The following PPP1R14C variants were observed in gnomAD, a reference collection of about 807,000 sequenced individuals.
PPP1R14C encodes protein phosphatase 1 regulatory subunit 14C.
A neutral mutation model predicts 20.4 loss-of-function variants in PPP1R14C; 16 were observed. The ratio of observed to expected loss-of-function variants is 0.78; its 90% CI spans 0.53 to 1.19. The LOEUF is 1.19. PPP1R14C is among the 50% of genes most tolerant of loss of function. The pLI is 0.00. For missense variants in PPP1R14C, 211 were observed against 220.1 expected, an observed-to-expected ratio of 0.96 and a Z score of 0.26; for synonymous variants, 91 against 91.0, an observed-to-expected ratio of 1.00 and a Z score of 0.00.
At chr6:150,214,918 C>A in intron 2 of PPP1R14C, 91 bp downstream of exon 2, 1 of 899,184 alleles carries the variant, frequency 1.1e-6, no homozygotes, top group Non-Finnish European at 1.8e-6. Flanking sequence ...TGATTCCGCC[C>A]TGTGGTGGTG....
At chr6:150,190,814 C>A (rs1218057608) in intron 1 of PPP1R14C, among the ~76,000 whole-genome samples, 3 of 152,200 alleles carry the variant, frequency 2.0e-5, no homozygotes, top group Non-Finnish European at 4.4e-5. Flanking sequence ...TACCTTGGTC[C>A]ATACCACTAA....
intron 1 of PPP1R14C, among the ~76,000 whole-genome samples, chr6:150,169,505 T>G (rs1387553799): frequency 2.0e-5 from 3 of 152,170 alleles, no homozygotes; most frequent in Admixed American, 6.5e-5. Flanking sequence ...AAAAATCATA[T>G]TTAGTCTCCA....
intron 1 of PPP1R14C, among the ~76,000 whole-genome samples, chr6:150,174,015 T>TCCCCCCCCCCCCCCCC (rs571196400): frequency 1.1e-5 from 1 of 92,736 alleles, no homozygotes; most frequent in Non-Finnish European, 2.3e-5. Context: ...CACCTCTCCC[T>TCCCCCCCCCCCCCCCC]CCCCCCCACC....
intron 1 of PPP1R14C, among the ~76,000 whole-genome samples, chr6:150,168,776 A>C (rs1291277854): frequency 6.6e-6 from 1 of 152,236 alleles, no homozygotes; most frequent in Non-Finnish European, 1.5e-5. Flanking sequence ...CAACTTTATT[A>C]TATAATTACT....
chr6:150,145,356 G>C (rs545313140), intron 1 of PPP1R14C, among the ~76,000 whole-genome samples: 1 of 152,280 alleles, frequency 6.6e-6, no homozygotes, highest in East Asian at 1.9e-4. Flanking sequence ...GGTTTTTGTG[G>C]TGAAATAATT....
chr6:150,215,801 C>A (rs1350030570), intron 2 of PPP1R14C, among the ~76,000 whole-genome samples: 1 of 152,186 alleles, frequency 6.6e-6, no homozygotes, highest in Admixed American at 6.5e-5. Flanking sequence ...CCGCACCCCC[C>A]AGTTCCCAGG....
chr6:150,198,488 A>G (rs568282066), intron 1 of PPP1R14C, among the ~76,000 whole-genome samples: 71 of 152,380 alleles, frequency 4.7e-4, no homozygotes, highest in Non-Finnish European at 8.7e-4. Context: ...CCCTGCCAGA[A>G]TGTCCCATTC....
intron 1 of PPP1R14C, among the ~76,000 whole-genome samples, chr6:150,152,676 C>G (rs868210949): frequency 6.6e-6 from 1 of 152,174 alleles, no homozygotes; most frequent in Admixed American, 6.5e-5. Flanking sequence ...TCTGATCCAT[C>G]TCCTGCTGTC....
intron 3 of PPP1R14C, among the ~76,000 whole-genome samples, chr6:150,218,468 A>C (rs2114913824): frequency 8.4e-6 from 1 of 119,162 alleles, no homozygotes; most frequent in Admixed American, 8.3e-5. Flanking sequence ...ATACTAATAC[A>C]TCTGAACCCC....
intron 1 of PPP1R14C, among the ~76,000 whole-genome samples, chr6:150,167,994 C>CCCTTCTCTCCTCCCCTCTT (rs1777448546): frequency 8.5e-5 from 1 of 11,832 alleles, no homozygotes; most frequent in African/African-American, 5.0e-4. Context: ...TCCCCTCTTC[C>CCCTTCTCTCCTCCCCTCTT]TCTCCCCCTT....
chr6:150,160,649 G>A (rs547494923), intron 1 of PPP1R14C, among the ~76,000 whole-genome samples: 1 of 152,076 alleles, frequency 6.6e-6, no homozygotes, highest in South Asian at 2.1e-4. Context: ...TCTTTTGCGT[G>A]GGAGATTTGT....
chr6:150,203,433 T>G (rs1315329711), intron 1 of PPP1R14C, among the ~76,000 whole-genome samples: 1 of 152,232 alleles, frequency 6.6e-6, no homozygotes, highest in East Asian at 1.9e-4. Flanking sequence ...GCAGTGTGTC[T>G]GCTCACCGGC....
At chr6:150,235,106 T>C (rs1024536397) in intron 3 of PPP1R14C, among the ~76,000 whole-genome samples, 1 of 152,186 alleles carries the variant, frequency 6.6e-6, no homozygotes, top group Non-Finnish European at 1.5e-5. Flanking sequence ...TGTGTTTTAA[T>C]AGGCAGGATC....
At chr6:150,158,687 A>G (rs983556992) in intron 1 of PPP1R14C, among the ~76,000 whole-genome samples, 2 of 151,514 alleles carry the variant, frequency 1.3e-5, no homozygotes, top group Admixed American at 6.6e-5. Flanking sequence ...ATAAGAGAAT[A>G]ACTTCAAAGT....
intron 3 of PPP1R14C, among the ~76,000 whole-genome samples, chr6:150,235,047 A>C (rs1257987970): frequency 6.6e-6 from 1 of 152,176 alleles, no homozygotes; most frequent in Admixed American, 6.5e-5. Flanking sequence ...GATGAGCTCT[A>C]AATGGGAATA....
chr6:150,185,965 T>C lies in PPP1R14C; in HGVS notation c.307-28779T>C, dbSNP rs1369045713. On this transcript the variant is annotated intron_variant, in intron 1 of 3. Transcript: ENST00000361131. The surrounding 1 kb of genome is among the most constrained non-coding windows in gnomAD (Gnocchi z 4.1). ...CACATCACTTCACATCAGAGTTCAC[T>C]GGGCAAAGCAAGTCCCTTAGTCACA... is the stretch of plus-strand genomic sequence containing the variant. 6.6e-6 allele frequency among the ~76,000 whole-genome samples: 1 copy of C among 152,150 alleles called. No homozygotes were observed. The highest frequency in any genetic ancestry group is 2.4e-5 in the African/African-American group (1 of 41,442).
intron 3 of PPP1R14C, among the ~76,000 whole-genome samples, chr6:150,246,729 AT>A (rs1562279252): frequency 6.6e-6 from 1 of 152,214 alleles, no homozygotes; most frequent in Non-Finnish European, 1.5e-5. Flanking sequence ...ATTTTTTATA[AT>A]TTTGAAAAGT....
At chr6:150,224,035 G>A (rs2114918445) in intron 3 of PPP1R14C, among the ~76,000 whole-genome samples, 1 of 152,292 alleles carries the variant, frequency 6.6e-6, no homozygotes, top group South Asian at 2.1e-4. Context: ...TGTGAAGAGT[G>A]TAAGGTCTGG....
chr6:150,143,120 A>C lies in PPP1R14C; in HGVS notation c.-73A>C. 8.6e-7 allele frequency: 1 copy of C among 1,169,240 alleles called. No individual in the cohort carries two copies. Among genetic ancestry groups the C allele is most frequent in the Non-Finnish European group, 1.1e-6 (1 of 951,508 alleles). 72.4% of individuals were successfully genotyped at this position (1,169,240 alleles called of 1,614,324 possible). A position where few individuals can be genotyped will look rare whatever the true frequency, so the allele number is the denominator to read the frequency against. ...CCTTCGCATGCGGCTGCCGGGCCGG[A>C]GGTGGTAGCGGCGCCGGGCGCGCTC... is the stretch of plus-strand genomic sequence containing the variant. On this transcript the variant is annotated 5_prime_UTR_variant, in exon 1 of 4. Transcript: ENST00000361131. The surrounding 1 kb of genome is among the most constrained non-coding windows in gnomAD (Gnocchi z 5.6).
Sources: allele counts gnomAD v4.1 joint callset (sites outside exome capture counted in the v4.1 genomes callset), GRCh38; gene constraint gnomAD v4.1.1; non-coding constraint Gnocchi (gnomAD v3.1); transcripts MANE v1.5; gene names NCBI Gene and HGNC (gene_info 2026-07-23, HGNC 2026-07-21).